Variants in LRFN5 observed in about 807,000 individuals in gnomAD.
The protein encoded by LRFN5 is leucine-rich repeat and fibronectin type-III domain-containing protein 5.
Under a neutral mutation model 45.6 loss-of-function variants are expected in LRFN5, and 24 were observed. That is an observed-to-expected ratio of 0.53 (90% CI 0.38 to 0.74). The LOEUF is 0.74. Among genes scored for constraint, LRFN5 ranks in the 30% least tolerant of loss-of-function variants. The pLI, the probability that LRFN5 is intolerant of heterozygous loss-of-function variation, is 0.00. For synonymous variants in LRFN5, 340 were observed against 313.8 expected (o/e 1.08, Z -0.88); for missense variants, 776 against 861.5 (o/e 0.90, Z 1.24).
chr14:41,873,630 G>A (rs1292894250), intron 2 of LRFN5, among the ~76,000 whole-genome samples: 4 of 151,980 alleles, frequency 2.6e-5, no homozygotes, highest in Non-Finnish European at 5.9e-5. Context: ...CATTTTTCAT[G>A]TTCACAGAGA....
At chr14:41,692,719 A>G (rs1566623871) in intron 1 of LRFN5, among the ~76,000 whole-genome samples, 1 of 152,072 alleles carries the variant, frequency 6.6e-6, no homozygotes, top group Admixed American at 6.6e-5. Flanking sequence ...TGAAAAGCCT[A>G]TGTTTTTAAC....
chr14:41,778,474 C>T (rs931321813), intron 2 of LRFN5, among the ~76,000 whole-genome samples: 2 of 151,498 alleles, frequency 1.3e-5, no homozygotes, highest in Non-Finnish European at 1.5e-5. Flanking sequence ...CTTTGATTAT[C>T]GTTGGTTTCT....
intron 1 of LRFN5, among the ~76,000 whole-genome samples, chr14:41,610,661 T>TAAAAGAAAA (rs1887711500): frequency 2.7e-5 from 1 of 37,340 alleles, no homozygotes; most frequent in South Asian, 7.6e-4. Context: ...CCAGGGAAGG[T>TAAAAGAAAA]AAAAAAAAAA....
At chr14:41,776,162 A>T in intron 2 of LRFN5, among the ~76,000 whole-genome samples, 1 of 152,176 alleles carries the variant, frequency 6.6e-6, no homozygotes, top group Admixed American at 6.5e-5. Flanking sequence ...TTAAATTTTT[A>T]GTGTATTTTA....
intron 1 of LRFN5, among the ~76,000 whole-genome samples, chr14:41,651,778 T>A (rs986318443): frequency 1.3e-5 from 2 of 152,220 alleles, no homozygotes; most frequent in African/African-American, 4.8e-5. Context: ...GAAGCTTATT[T>A]GCAAAGACTA....
chr14:41,684,098 A>G (rs1396429803), intron 1 of LRFN5, among the ~76,000 whole-genome samples: 1 of 152,138 alleles, frequency 6.6e-6, no homozygotes, highest in Non-Finnish European at 1.5e-5. Context: ...ACATAAAGCA[A>G]TGGAACAGAA....
intron 2 of LRFN5, among the ~76,000 whole-genome samples, chr14:41,855,526 G>A (rs932848601): frequency 2.6e-5 from 4 of 152,060 alleles, no homozygotes; most frequent in African/African-American, 9.7e-5. Flanking sequence ...GTTTTATACA[G>A]TTGGACAAGA....
At chr14:41,668,278 C>G (rs1036962348) in intron 1 of LRFN5, among the ~76,000 whole-genome samples, 2 of 151,858 alleles carry the variant, frequency 1.3e-5, no homozygotes, top group Non-Finnish European at 2.9e-5. Flanking sequence ...ACAAAATAAG[C>G]CTCTTTTATA....
intron 2 of LRFN5, among the ~76,000 whole-genome samples, chr14:41,860,223 C>T (rs1889613600): frequency 6.6e-6 from 1 of 152,022 alleles, no homozygotes; most frequent in Non-Finnish European, 1.5e-5. Flanking sequence ...ACTCAGCATA[C>T]AAAATAAAAA....
intron 1 of LRFN5, among the ~76,000 whole-genome samples, chr14:41,652,718 G>T (rs571278791): frequency 6.4e-4 from 97 of 152,208 alleles, no homozygotes; most frequent in African/African-American, 2.2e-3. Context: ...CCTGTCTTTA[G>T]GTCTTTGAGG....
chr14:41,697,756 A>G (rs1037141179), intron 1 of LRFN5, among the ~76,000 whole-genome samples: 5 of 151,668 alleles, frequency 3.3e-5, no homozygotes, highest in African/African-American at 1.2e-4. Flanking sequence ...AATAGCATAT[A>G]CTAGTTTTTA....
chr14:41,862,766 C>T (rs1889707993), intron 2 of LRFN5, among the ~76,000 whole-genome samples: 1 of 150,988 alleles, frequency 6.6e-6, no homozygotes. Flanking sequence ...TTATTTTATT[C>T]TGTATTTTCT....
At chr14:41,630,934 C>T (rs890086391) in intron 1 of LRFN5, among the ~76,000 whole-genome samples, 1 of 151,848 alleles carries the variant, frequency 6.6e-6, no homozygotes, top group Non-Finnish European at 1.5e-5. Flanking sequence ...TCTGATTTAC[C>T]GACTGTTGGG....
intron 2 of LRFN5, among the ~76,000 whole-genome samples, chr14:41,815,216 G>A (rs1804225815): frequency 6.6e-6 from 1 of 152,154 alleles, no homozygotes; most frequent in South Asian, 2.1e-4. Context: ...CAAAACAGAT[G>A]CTCTGTTTTC....
At chr14:41,676,231 T>C (rs999571752) in intron 1 of LRFN5, among the ~76,000 whole-genome samples, 1 of 152,196 alleles carries the variant, frequency 6.6e-6, no homozygotes, top group African/African-American at 2.4e-5. Context: ...AGTTCCACAT[T>C]TCTGAAGAAG....
chr14:41,777,778 C>A (rs1594699718), intron 2 of LRFN5, among the ~76,000 whole-genome samples: 1 of 151,604 alleles, frequency 6.6e-6, no homozygotes, highest in Non-Finnish European at 1.5e-5. Context: ...TGGATATATA[C>A]ACTGTAAAAC....
At chr14:41,736,821 T>C (rs1884457119) in intron 1 of LRFN5, among the ~76,000 whole-genome samples, 1 of 152,092 alleles carries the variant, frequency 6.6e-6, no homozygotes, top group Non-Finnish European at 1.5e-5. Context: ...AATCCCTGAA[T>C]AGACCAATAA....
chr14:41,795,848 C>T (rs7157532), intron 2 of LRFN5, among the ~76,000 whole-genome samples: 35,385 of 151,566 alleles, frequency 0.23, 4,807 homozygotes, highest in South Asian at 0.41. Flanking sequence ...ATGGGTGCAG[C>T]ACACCAACAT....
intron 1 of LRFN5, chr14:41,700,515 G>T (rs200531409): frequency 6.6e-6 from 1 of 151,960 alleles, no homozygotes; most frequent in East Asian, 1.9e-4. Flanking sequence ...TTTAAAAACA[G>T]GATGATATGG....
Sources: gnomAD v4.1 joint callset for allele counts (sites outside exome capture counted in the v4.1 genomes callset) on GRCh38, gnomAD v4.1.1 for gene constraint, MANE v1.5 for transcripts, NCBI Gene and HGNC (gene_info 2026-07-23, HGNC 2026-07-21) for gene names.